The following ALDH1A1 variants were observed in gnomAD, a reference collection of about 807,000 sequenced individuals.
ALDH1A1 encodes the protein aldehyde dehydrogenase 1 family member A1, also known as aldehyde dehydrogenase 1A1.
ALDH1A1 carries 19 observed loss-of-function variants against 62.1 expected under a neutral mutation model. The ratio of observed to expected loss-of-function variants is 0.31; its 90% CI spans 0.21 to 0.45. ALDH1A1 has a LOEUF of 0.45. Ranked by LOEUF, ALDH1A1 falls within the 20% of genes least tolerant of loss-of-function variation. The pLI, the probability that ALDH1A1 is intolerant of heterozygous loss-of-function variation, is 1.00. For missense variants in ALDH1A1, 521 were observed against 607.1 expected, an observed-to-expected ratio of 0.86 and a Z score of 1.49; for synonymous variants, 231 against 215.9, an observed-to-expected ratio of 1.07 and a Z score of -0.61.
intron 1 of ALDH1A1, chr9:72,942,267 G>T: frequency 1.0e-6 from 1 of 983,400 alleles, no homozygotes; most frequent in Non-Finnish European, 1.2e-6. Flanking sequence ...TCTTCTCAAG[G>T]GATGGCTGGG....
At chr9:72,930,376 C>G (rs760936111) in intron 3 of ALDH1A1, among the ~76,000 whole-genome samples, 1 of 152,052 alleles carries the variant, frequency 6.6e-6, no homozygotes, top group Non-Finnish European at 1.5e-5. Flanking sequence ...CCCTTGTGAA[C>G]AGACACATTT....
intron 2 of ALDH1A1, among the ~76,000 whole-genome samples, chr9:72,934,943 T>C (rs1830330422): frequency 2.1e-5 from 1 of 48,410 alleles, no homozygotes; most frequent in Non-Finnish European, 7.9e-5. Flanking sequence ...AAATATATAC[T>C]GCTATTTGTT....
intron 7 of ALDH1A1, among the ~76,000 whole-genome samples, chr9:72,921,311 G>T (rs1830140054): frequency 6.6e-6 from 1 of 150,602 alleles, no homozygotes; most frequent in Non-Finnish European, 1.5e-5. Flanking sequence ...TTGCTACAAT[G>T]AACACAAAGG....
intron 2 of ALDH1A1, among the ~76,000 whole-genome samples, chr9:72,933,592 C>CCAAAA (rs1830310278): frequency 8.9e-6 from 1 of 111,732 alleles, no homozygotes; most frequent in African/African-American, 3.5e-5. Context: ...CATCTCAAAA[C>CCAAAA]AAAAAAAAAA....
chr9:72,910,920 G>C (rs1225665912), intron 10 of ALDH1A1, among the ~76,000 whole-genome samples: 1 of 152,046 alleles, frequency 6.6e-6, no homozygotes, highest in Non-Finnish European at 1.5e-5. Context: ...ACAGCACATA[G>C]CTCCAGGCTC....
intron 9 of ALDH1A1, among the ~76,000 whole-genome samples, chr9:72,916,483 A>G (rs765731002): frequency 6.6e-6 from 1 of 152,176 alleles, no homozygotes; most frequent in Non-Finnish European, 1.5e-5. Flanking sequence ...AGGGGGTCAG[A>G]GTAACCGATG....
chr9:72,911,273 T>G (rs1829983352), intron 10 of ALDH1A1, among the ~76,000 whole-genome samples: 1 of 152,126 alleles, frequency 6.6e-6, no homozygotes, highest in Admixed American at 6.6e-5. Flanking sequence ...GAATGCTGTT[T>G]TCAAATACAT....
At chr9:72,938,054 T>G (rs1041239242) in intron 2 of ALDH1A1, among the ~76,000 whole-genome samples, 1 of 152,130 alleles carries the variant, frequency 6.6e-6, no homozygotes, top group Non-Finnish European at 1.5e-5. Context: ...TATCTTGGAA[T>G]AAGTATCTGC....
At chr9:72,908,547 A>G (rs539732576) in intron 11 of ALDH1A1, among the ~76,000 whole-genome samples, 9 of 60,954 alleles carry the variant, frequency 1.5e-4, no homozygotes, top group African/African-American at 5.5e-4. Flanking sequence ...AAGAAAGAAA[A>G]GAAAGAAGAA....
intron 2 of ALDH1A1, among the ~76,000 whole-genome samples, chr9:72,937,739 C>T (rs1830362234): frequency 6.6e-6 from 1 of 152,018 alleles, no homozygotes; most frequent in African/African-American, 2.4e-5. Context: ...GGAAAGAGGC[C>T]ATAAACAAAG....
At chr9:72,921,726 A>C (rs1018390412) in intron 7 of ALDH1A1, among the ~76,000 whole-genome samples, 3 of 132,570 alleles carry the variant, frequency 2.3e-5, no homozygotes, top group Non-Finnish European at 4.6e-5. Context: ...TTAATTCTTT[A>C]ATACTTATTT....
chr9:72,921,840 T>C (rs1830150129), intron 7 of ALDH1A1, among the ~76,000 whole-genome samples: 1 of 152,004 alleles, frequency 6.6e-6, no homozygotes, highest in African/African-American at 2.4e-5. Flanking sequence ...GCATGCACTG[T>C]TATTATATGT....
At chr9:72,942,945 T>C (rs1247350110) in intron 1 of ALDH1A1, among the ~76,000 whole-genome samples, 2 of 152,144 alleles carry the variant, frequency 1.3e-5, no homozygotes, top group Non-Finnish European at 2.9e-5. Context: ...GTGTTAATGT[T>C]AGATATCTAC....
rs549966844 is a variant in ALDH1A1 at position 72,928,777 on chromosome 9, A to C, written c.442+115T>G. The C allele has an allele frequency of 4.2e-6, 5 of 1,196,674 alleles. No homozygotes were observed. The African/African-American group carries it at 7.7e-5, about 19-fold the overall frequency. 74.1% of individuals were successfully genotyped at this position (1,196,674 alleles called of 1,614,324 possible). A position where few individuals can be genotyped will look rare whatever the true frequency, so the allele number is the denominator to read the frequency against. ...GTGTTGTCTCAAAGTCAAGAGGAAAATAATTTTGCCTTATTTGGTTGACAT... is the reference window on the plus strand; with the variant it reads ...GTGTTGTCTCAAAGTCAAGAGGAAACTAATTTTGCCTTATTTGGTTGACAT... On this transcript the variant is annotated intron_variant, in intron 4 of 12. Transcript: ENST00000297785.
chr9:72,940,672 T>C (rs1830404783), intron 1 of ALDH1A1, among the ~76,000 whole-genome samples: 1 of 152,182 alleles, frequency 6.6e-6, no homozygotes, highest in Middle Eastern at 3.2e-3. Context: ...TATTTTCTAA[T>C]CCTTTAATGT....
At chr9:72,905,315 T>A (rs1829865221) in intron 12 of ALDH1A1, among the ~76,000 whole-genome samples, 1 of 152,128 alleles carries the variant, frequency 6.6e-6, no homozygotes, top group South Asian at 2.1e-4. Flanking sequence ...AAAGTCTATA[T>A]ACCCTAGTTT....
chr9:72,901,965 A>G (rs1009271495), intron 12 of ALDH1A1, among the ~76,000 whole-genome samples: 1 of 152,046 alleles, frequency 6.6e-6, no homozygotes, highest in African/African-American at 2.4e-5. Flanking sequence ...TTTTTATTTA[A>G]AACTTTTAAA....
intron 11 of ALDH1A1, among the ~76,000 whole-genome samples, chr9:72,908,507 GAAAGA>G (rs2118485187): frequency 1.7e-4 from 1 of 5,756 alleles, no homozygotes; most frequent in Admixed American, 3.8e-3. Context: ...AGAGAGAGAC[GAAAGA>G]AAGAAAGAAA....
intron 7 of ALDH1A1, among the ~76,000 whole-genome samples, chr9:72,919,625 C>A (rs1338176197): frequency 6.6e-6 from 1 of 152,168 alleles, no homozygotes; most frequent in East Asian, 1.9e-4. Flanking sequence ...GTAGCAGTAA[C>A]AATAACGTAT....
Sources: allele counts gnomAD v4.1 joint callset (sites outside exome capture counted in the v4.1 genomes callset), GRCh38; gene constraint gnomAD v4.1.1; transcripts MANE v1.5; gene names NCBI Gene and HGNC (gene_info 2026-07-23, HGNC 2026-07-21).